Variants in LSM14A observed in about 807,000 individuals in gnomAD.
The protein encoded by LSM14A is protein LSM14 homolog A.
LSM14A carries 14 observed loss-of-function variants against 52.4 expected under a neutral mutation model. That is an observed-to-expected ratio of 0.27 (90% CI 0.18 to 0.42). The LOEUF is 0.42. Among genes scored for constraint, LSM14A ranks in the 10% least tolerant of loss-of-function variants. LSM14A has a pLI of 1.00. For synonymous variants in LSM14A, 185 were observed against 200.3 expected (o/e 0.92, Z 0.64); for missense variants, 417 against 581.8 (o/e 0.72, Z 2.91).
chr19:34,198,723 A>G (rs1435677105), intron 3 of LSM14A, among the ~76,000 whole-genome samples: 5 of 152,240 alleles, frequency 3.3e-5, no homozygotes, highest in African/African-American at 4.8e-5. Context: ...GCGGTGGCTT[A>G]CGCCTGTAAT....
chr19:34,217,878 A>T (rs961124347), intron 6 of LSM14A, among the ~76,000 whole-genome samples: 3 of 151,526 alleles, frequency 2.0e-5, no homozygotes, highest in Non-Finnish European at 1.5e-5. Context: ...CTGCCATACT[A>T]TCTTTCATTG....
Position 34,196,077 on chromosome 19 carries a change from A to G in LSM14A, c.286-557A>G, listed in dbSNP as rs188009226. Among the ~76,000 whole-genome samples the G allele has an allele frequency of 1.2e-3, 186 of 152,304 alleles. 1 individual carries two copies. The highest frequency in any genetic ancestry group is 4.4e-3 in the African/African-American group (183 of 41,572). ...AAGATAATATATGAAGTATACATGT[A>G]TTAATATATGTTATATATTTTATAT... On this transcript the variant is annotated intron_variant, in intron 2 of 9. Transcript: ENST00000544216.
At position 34,175,773 on chromosome 19, in the gene LSM14A, T is replaced by G. The variant is rs73593582; in HGVS notation, c.121+3010T>G. On this transcript the variant is annotated intron_variant, in intron 1 of 9. Transcript: ENST00000544216. ...TGTTGAGTAATTCGATATCAGAAAATTTCACCTTCCATTTCAAAATTTGAA... is the reference window on the plus strand; with the variant it reads ...TGTTGAGTAATTCGATATCAGAAAAGTTCACCTTCCATTTCAAAATTTGAA... Among the ~76,000 whole-genome samples, 866 of 152,310 alleles carry G rather than the reference T, an allele frequency of 5.7e-3. 13 individuals are homozygous for G. Among genetic ancestry groups the G allele is most frequent in the African/African-American group, 0.02 (815 of 41,568 alleles).
chr19:34,179,477 T>C (rs1485357176), intron 1 of LSM14A, among the ~76,000 whole-genome samples: 1 of 152,220 alleles, frequency 6.6e-6, no homozygotes, highest in Non-Finnish European at 1.5e-5. Flanking sequence ...AGCCACAGTT[T>C]CTTTTTGTTG....
chr19:34,226,534 C>A, intron 9 of LSM14A: 2 of 1,300,290 alleles, frequency 1.5e-6, no homozygotes, highest in African/African-American at 1.5e-5. Context: ...CATCTTGTAG[C>A]TCATTGCTGT....
intron 9 of LSM14A, among the ~76,000 whole-genome samples, chr19:34,226,937 A>G (rs1313434686): frequency 2.0e-5 from 3 of 152,218 alleles, no homozygotes; most frequent in African/African-American, 7.2e-5. Context: ...GAAATGTTAT[A>G]CTGACTGGGT....
chr19:34,211,842 T>G (rs2072183780), intron 4 of LSM14A, among the ~76,000 whole-genome samples: 1 of 152,088 alleles, frequency 6.6e-6, no homozygotes, highest in Non-Finnish European at 1.5e-5. Context: ...GTTAACAAAT[T>G]TATTGCAAAT....
At chr19:34,207,053 C>A (rs1447317926) in intron 3 of LSM14A, among the ~76,000 whole-genome samples, 2 of 152,196 alleles carry the variant, frequency 1.3e-5, no homozygotes, top group Admixed American at 1.3e-4. Flanking sequence ...AGAGGTGTTG[C>A]AGCAGCTGTT....
At chr19:34,195,664 T>G (rs1437340634) in intron 2 of LSM14A, among the ~76,000 whole-genome samples, 1 of 152,212 alleles carries the variant, frequency 6.6e-6, no homozygotes, top group Non-Finnish European at 1.5e-5. Flanking sequence ...AAAGGAAGCC[T>G]GAAGTGGAAA....
intron 6 of LSM14A, among the ~76,000 whole-genome samples, chr19:34,218,152 C>T (rs1354025730): frequency 6.6e-6 from 1 of 151,984 alleles, no homozygotes; most frequent in Non-Finnish European, 1.5e-5. Flanking sequence ...TACAGGCATA[C>T]GCCACCACGC....
intron 3 of LSM14A, among the ~76,000 whole-genome samples, chr19:34,202,679 GACTC>G (rs1298064700): frequency 1.3e-5 from 2 of 152,084 alleles, no homozygotes; most frequent in Admixed American, 6.5e-5. Flanking sequence ...AGAATTAAAG[GACTC>G]ACTCTGTTGC....
intron 3 of LSM14A, among the ~76,000 whole-genome samples, chr19:34,203,347 C>G (rs2071439709): frequency 6.8e-6 from 1 of 147,552 alleles, no homozygotes; most frequent in Non-Finnish European, 1.5e-5. Context: ...ATTAAATAGC[C>G]AAACCATATT....
chr19:34,209,402 G>GA (rs993420945), intron 4 of LSM14A, among the ~76,000 whole-genome samples: 3 of 152,062 alleles, frequency 2.0e-5, no homozygotes, highest in African/African-American at 2.4e-5. Flanking sequence ...AATATCATCT[G>GA]AAAAAAACTG....
chr19:34,189,020 C>T (rs2070151701), intron 1 of LSM14A, among the ~76,000 whole-genome samples: 1 of 152,076 alleles, frequency 6.6e-6, no homozygotes, highest in African/African-American at 2.4e-5. Flanking sequence ...ATATTGTGTG[C>T]TTTATTTCCA....
At chr19:34,176,512 T>C (rs781453517) in intron 1 of LSM14A, among the ~76,000 whole-genome samples, 6 of 152,226 alleles carry the variant, frequency 3.9e-5, no homozygotes, top group Non-Finnish European at 7.3e-5. Context: ...CTGACATTTA[T>C]AGTTTTACCA....
At chr19:34,176,194 T>G (rs1486777682) in intron 1 of LSM14A, among the ~76,000 whole-genome samples, 1 of 152,220 alleles carries the variant, frequency 6.6e-6, no homozygotes, top group Non-Finnish European at 1.5e-5. Context: ...CAGTGTGTAT[T>G]TGGATGTAGA....
At chr19:34,186,415 C>T (rs1300572444) in intron 1 of LSM14A, among the ~76,000 whole-genome samples, 2 of 152,180 alleles carry the variant, frequency 1.3e-5, no homozygotes, top group African/African-American at 2.4e-5. Flanking sequence ...GGGTGGGCCT[C>T]ATCCAGTCAG....
At chr19:34,177,026 C>A (rs911033419) in intron 1 of LSM14A, among the ~76,000 whole-genome samples, 4 of 152,180 alleles carry the variant, frequency 2.6e-5, no homozygotes, top group Non-Finnish European at 5.9e-5. Context: ...CTAAATGGGG[C>A]TGACCAGCTT....
intron 3 of LSM14A, among the ~76,000 whole-genome samples, chr19:34,207,673 A>C (rs902460587): frequency 1.3e-5 from 2 of 152,026 alleles, no homozygotes; most frequent in Non-Finnish European, 2.9e-5. Flanking sequence ...CTGGGACTGC[A>C]GGCATGCGCC....
Sources: allele counts gnomAD v4.1 joint callset (sites outside exome capture counted in the v4.1 genomes callset), GRCh38; gene constraint gnomAD v4.1.1; transcripts MANE v1.5; gene names NCBI Gene and HGNC (gene_info 2026-07-23, HGNC 2026-07-21).